DLG2: variants seen among roughly 807,000 people sequenced by gnomAD.
DLG2 encodes discs large MAGUK scaffold protein 2, also known as disks large homolog 2.
In DLG2, 45 loss-of-function variants were observed where a neutral mutation model predicts 132.5. The ratio of observed to expected loss-of-function variants is 0.34; its 90% CI spans 0.27 to 0.44. DLG2 has a LOEUF of 0.44. Among genes scored for constraint, DLG2 ranks in the 20% least tolerant of loss-of-function variants. The probability of loss-of-function intolerance (pLI) is 1.00; values close to 1 mark genes in which losing one functional copy is unlikely to be tolerated. For synonymous variants in DLG2, 424 were observed against 419.6 expected (o/e 1.01, Z -0.13); for missense variants, 1,045 against 1,196.9 (o/e 0.87, Z 1.87).
At chr11:83,851,920 TA>T (rs754089296) in intron 16 of DLG2, among the ~76,000 whole-genome samples, 2,142 of 128,384 alleles carry the variant, frequency 0.017, 17 homozygotes, top group Middle Eastern at 0.037. Context: ...CTCCGTCTCT[TA>T]AAAAAAAAAA....
At chr11:83,948,294 T>C (rs2084577324) in intron 14 of DLG2, among the ~76,000 whole-genome samples, 1 of 152,078 alleles carries the variant, frequency 6.6e-6, no homozygotes, top group Non-Finnish European at 1.5e-5. Context: ...AAAGAAAACC[T>C]AGGATGGGGG....
chr11:85,324,063 G>GGTCTAAAGAAGTTCTCT (rs2081270087), intron 3 of DLG2, among the ~76,000 whole-genome samples: 1 of 152,064 alleles, frequency 6.6e-6, no homozygotes, highest in Non-Finnish European at 1.5e-5. Context: ...AGAAACCATG[G>GGTCTAAAGAAGTTCTCT]GTCTAAAGAA....
At chr11:83,756,354 TA>T (rs1356428658) in intron 18 of DLG2, among the ~76,000 whole-genome samples, 1 of 151,498 alleles carries the variant, frequency 6.6e-6, no homozygotes, top group African/African-American at 2.5e-5. Flanking sequence ...TTGGTAAAGA[TA>T]TAAGATTGCC....
rs181404918 is a variant in DLG2, at chr11:85,474,440, T to C, written c.40+124217A>G. Reference sequence around the variant, plus strand: ...CCAACCATGGTGAGCTTTTAAAATATATTTCCATTAGTAATTAATGGATCA... The same window carrying C: ...CCAACCATGGTGAGCTTTTAAAATACATTTCCATTAGTAATTAATGGATCA... On this transcript the variant is annotated intron_variant, in intron 3 of 27. Transcript: ENST00000376104. Among the ~76,000 whole-genome samples, 267 of 152,058 alleles carry C rather than the reference T, an allele frequency of 1.8e-3. 1 individual carries two copies. Among genetic ancestry groups the C allele is most frequent in the African/African-American group, 6.2e-3 (259 of 41,552 alleles).
chr11:84,169,697 AC>A (rs35265732), intron 8 of DLG2, among the ~76,000 whole-genome samples: 120,625 of 151,864 alleles, frequency 0.79, 48,221 homozygotes, highest in Middle Eastern at 0.89. Context: ...ACATGATAAA[AC>A]CCCATCTCTA....
intron 6 of DLG2, among the ~76,000 whole-genome samples, chr11:84,575,206 A>G (rs2099496432): frequency 1.3e-5 from 2 of 152,146 alleles, no homozygotes; most frequent in African/African-American, 2.4e-5. Flanking sequence ...TGAGCTCCTA[A>G]GCAGTCCTTA....
intron 3 of DLG2, among the ~76,000 whole-genome samples, chr11:85,364,390 C>T (rs78774770): frequency 6.7e-4 from 102 of 152,292 alleles, no homozygotes; most frequent in African/African-American, 2.4e-3. Context: ...CACTAAGAAG[C>T]AGCCCTTAAC....
intron 8 of DLG2, among the ~76,000 whole-genome samples, chr11:84,168,826 TACAC>T (rs145846743): frequency 5.3e-4 from 79 of 148,100 alleles, no homozygotes; most frequent in African/African-American, 1.8e-3. Context: ...CACACACACA[TACAC>T]ACACACACAC....
chr11:84,766,077 G>A (rs1049396036), intron 6 of DLG2, among the ~76,000 whole-genome samples: 4 of 151,944 alleles, frequency 2.6e-5, no homozygotes, highest in African/African-American at 7.2e-5. Flanking sequence ...TACTCCTTCC[G>A]TAGCGGCCTT....
chr11:84,545,362 T>C (rs1592028371), intron 6 of DLG2: 6 of 526,502 alleles, frequency 1.1e-5, no homozygotes, highest in East Asian at 9.9e-5. Context: ...AAATCCATTA[T>C]AGCCATCCCA....
At chr11:84,135,823 T>C (rs1010194974) in intron 9 of DLG2, among the ~76,000 whole-genome samples, 17 of 152,070 alleles carry the variant, frequency 1.1e-4, no homozygotes, top group African/African-American at 3.9e-4. Context: ...TATGGTTTAT[T>C]TGAACAAAGA....
rs1284319609 is a variant in DLG2 at position 84,714,623 on chromosome 11, T to TTC, written c.358-179894_358-179893dup. Among the ~76,000 whole-genome samples the TTC allele has an allele frequency of 3.5e-3, 364 of 105,018 alleles. 2 individuals are homozygous for TTC. The highest frequency in any genetic ancestry group is 5.0e-3 in the Non-Finnish European group (254 of 51,224). The allele number at this position is 105,018 out of a possible 152,430, so 68.9% of individuals were successfully genotyped here. On this transcript the variant is annotated intron_variant, in intron 6 of 27. Transcript: ENST00000376104. Reference sequence around the variant, plus strand: ...TTTCTCTTTCTCTTTCTCTTTCTCTTTCTCTCTCTCTCTCTCTCTCTCTTT... The same window carrying TTC: ...TTTCTCTTTCTCTTTCTCTTTCTCTTTCTCTCTCTCTCTCTCTCTCTCTCTTT...
chr11:84,781,913 G>T (rs1166759602), intron 6 of DLG2, among the ~76,000 whole-genome samples: 1 of 152,086 alleles, frequency 6.6e-6, no homozygotes, highest in Non-Finnish European at 1.5e-5. Flanking sequence ...CTAAGACAGA[G>T]GCTGGATGGA....
intron 4 of DLG2, among the ~76,000 whole-genome samples, chr11:85,162,570 TAAGAA>T (rs2078114634): frequency 6.6e-6 from 1 of 152,360 alleles, no homozygotes; most frequent in African/African-American, 2.4e-5. Context: ...ACGCTTGTAT[TAAGAA>T]AATATCTTCA....
chr11:84,486,091 T>A (rs1263407848), intron 7 of DLG2, among the ~76,000 whole-genome samples: 2 of 152,144 alleles, frequency 1.3e-5, no homozygotes, highest in African/African-American at 4.8e-5. Context: ...GAACTAATTA[T>A]ATACCCCTGT....
rs533452543 is a variant in DLG2 at position 84,025,339 on chromosome 11, A to T, written c.919+33976T>A. On this transcript the variant is annotated intron_variant, in intron 11 of 27. Coordinates refer to ENST00000376104, the MANE Select transcript of DLG2 (RefSeq NM_001142699.3). ...TTGTAAAACTACTAGATCTCTTGAG[A>T]TTTATTCACTATCACAACAACAGCA... Among the ~76,000 whole-genome samples, 367 of 152,184 alleles carry T rather than the reference A, an allele frequency of 2.4e-3. 3 individuals are homozygous for T. Among genetic ancestry groups the T allele is most frequent in the African/African-American group, 8.5e-3 (351 of 41,526 alleles).
intron 9 of DLG2, among the ~76,000 whole-genome samples, chr11:84,125,547 G>A (rs920645339): frequency 2.0e-5 from 3 of 152,126 alleles, no homozygotes; most frequent in African/African-American, 7.2e-5. Context: ...TGAGATGGGG[G>A]CAAGTCAGCT....
At chr11:85,293,516 C>T (rs2079038879) in intron 3 of DLG2, among the ~76,000 whole-genome samples, 2 of 152,098 alleles carry the variant, frequency 1.3e-5, no homozygotes, top group South Asian at 4.1e-4. Flanking sequence ...AATATTCCTG[C>T]CCAAAATGCG....
At chr11:84,811,759 A>T (rs1015036667) in intron 6 of DLG2, among the ~76,000 whole-genome samples, 4 of 152,218 alleles carry the variant, frequency 2.6e-5, no homozygotes, top group African/African-American at 9.6e-5. Flanking sequence ...TCTGTGATAG[A>T]AACTATGCTA....
Sources: allele counts gnomAD v4.1 joint callset (sites outside exome capture counted in the v4.1 genomes callset), GRCh38; gene constraint gnomAD v4.1.1; transcripts MANE v1.5; gene names NCBI Gene and HGNC (gene_info 2026-07-23, HGNC 2026-07-21).